Variants in RAP1GAP2 observed in about 807,000 individuals in gnomAD.
RAP1GAP2 encodes the protein RAP1 GTPase activating protein 2.
RAP1GAP2 carries 27 observed loss-of-function variants against 95.0 expected under a neutral mutation model. The ratio of observed to expected loss-of-function variants is 0.28; its 90% confidence interval spans 0.21 to 0.39. RAP1GAP2 has a LOEUF of 0.39. Ranked by LOEUF, RAP1GAP2 falls within the 10% of genes least tolerant of loss-of-function variation. The pLI, the probability that RAP1GAP2 is intolerant of heterozygous loss-of-function variation, is 1.00. For missense variants in RAP1GAP2, 771 were observed against 970.0 expected (o/e 0.79, Z 2.72); for synonymous variants, 373 against 380.9 (o/e 0.98, Z 0.24).
intron 3 of RAP1GAP2, among the ~76,000 whole-genome samples, chr17:2,917,792 C>T (rs1467132976): frequency 2.6e-5 from 4 of 151,790 alleles, no homozygotes; most frequent in East Asian, 3.9e-4. Flanking sequence ...CTTGGCTCAC[C>T]GCAACCTCCG....
At chr17:3,017,937 G>GTA in intron 17 of RAP1GAP2, 124 bp from the exon 18 acceptor site, 1 of 816,734 alleles carries the variant, frequency 1.2e-6, no homozygotes, top group Non-Finnish European at 1.9e-6. Context: ...GTGTGTGTGT[G>GTA]TGTGTGTGTG....
intron 2 of RAP1GAP2, among the ~76,000 whole-genome samples, chr17:2,804,699 T>G (rs983706969): frequency 1.3e-4 from 20 of 152,080 alleles, no homozygotes; most frequent in African/African-American, 4.6e-4. Context: ...AGTTGGACAC[T>G]CAGAAGCAAG....
intron 19 of RAP1GAP2, among the ~76,000 whole-genome samples, chr17:3,024,749 G>T (rs2047053370): frequency 6.6e-6 from 1 of 152,200 alleles, no homozygotes; most frequent in Admixed American, 6.5e-5. Context: ...ATAAAGTCCT[G>T]ATACAAGCTA....
Position 2,962,786 on chromosome 17 carries a change from G to C in RAP1GAP2, c.246+72G>C. The C allele has an allele frequency of 2.2e-6, 3 of 1,394,054 alleles. No individual in the cohort carries two copies. The South Asian group carries it at 4.0e-5, about 19-fold the overall frequency. 86.4% of individuals were successfully genotyped at this position (1,394,054 alleles called of 1,614,324 possible). A position where few individuals can be genotyped will look rare whatever the true frequency, so the allele number is the denominator to read the frequency against. On this transcript the variant is annotated intron_variant, in intron 5 of 24. Transcript: ENST00000254695. ...CTAGGGCGAGAGGAAGGCAGGAGGG[G>C]CTGCCGGGATGCTGGGGTCTTCTGT...
chr17:2,885,462 GGAGC>G (rs2073461954), intron 2 of RAP1GAP2, among the ~76,000 whole-genome samples: 1 of 152,200 alleles, frequency 6.6e-6, no homozygotes, highest in Admixed American at 6.5e-5. Context: ...ACAGGAGCCA[GGAGC>G]TGTTCAGAGG....
At chr17:2,847,165 T>C in intron 2 of RAP1GAP2, among the ~76,000 whole-genome samples, 1 of 152,152 alleles carries the variant, frequency 6.6e-6, no homozygotes, top group Non-Finnish European at 1.5e-5. Flanking sequence ...CCCGCCACGT[T>C]GCCTGGCTAA....
At chr17:2,900,429 AT>A (rs2041988847) in intron 2 of RAP1GAP2, among the ~76,000 whole-genome samples, 1 of 151,888 alleles carries the variant, frequency 6.6e-6, no homozygotes, top group Admixed American at 6.6e-5. Context: ...CACAGCTGTT[AT>A]TTTTTTAAAT....
rs533504888 is a variant in RAP1GAP2, at chr17:2,797,357, C to T, written c.44+786C>T. Among the ~76,000 whole-genome samples, 192 of 152,304 alleles carry T rather than the reference C, an allele frequency of 1.3e-3. 1 individual carries two copies. Among genetic ancestry groups the T allele is most frequent in the African/African-American group, 4.4e-3 (182 of 41,562 alleles). On this transcript the variant is annotated intron_variant, in intron 1 of 24. Coordinates refer to ENST00000254695, the MANE Select transcript of RAP1GAP2 (RefSeq NM_015085.5). The surrounding 1 kb of genome is among the most constrained non-coding windows in gnomAD (Gnocchi z 5.6). ...GGGCAGAAGGTAGGCACACGAAGGC[C>T]AAAGGCTTGTCTCTGGTTCCCAGTG...
chr17:2,920,991 C>G (rs907608192), intron 3 of RAP1GAP2, among the ~76,000 whole-genome samples: 2 of 152,122 alleles, frequency 1.3e-5, no homozygotes, highest in Non-Finnish European at 2.9e-5. Flanking sequence ...GGGATGTCCC[C>G]TGCGTAGATC....
intron 2 of RAP1GAP2, among the ~76,000 whole-genome samples, chr17:2,830,336 C>G (rs949799707): frequency 6.6e-6 from 1 of 152,102 alleles, no homozygotes; most frequent in African/African-American, 2.4e-5. Context: ...ATAGCTTGAA[C>G]CCATGAGGCG....
intron 3 of RAP1GAP2, among the ~76,000 whole-genome samples, chr17:2,919,133 T>C: frequency 6.6e-6 from 1 of 152,156 alleles, no homozygotes; most frequent in East Asian, 1.9e-4. Flanking sequence ...TGAGTGGCCT[T>C]CCAAGAGCCT....
chr17:2,984,306 C>T (rs1450761410), intron 10 of RAP1GAP2, among the ~76,000 whole-genome samples: 1 of 152,128 alleles, frequency 6.6e-6, no homozygotes. Context: ...CAAGACCACG[C>T]CATTGCACTC....
chr17:2,781,737 TC>T (rs2068659127), intron 1 of RAP1GAP2, among the ~76,000 whole-genome samples: 1 of 145,492 alleles, frequency 6.9e-6, no homozygotes, highest in African/African-American at 2.6e-5. Flanking sequence ...TGTGTGCACG[TC>T]TCTGTGTGAG....
At chr17:2,783,068 G>A (rs1214668454) in intron 1 of RAP1GAP2, among the ~76,000 whole-genome samples, 2 of 152,122 alleles carry the variant, frequency 1.3e-5, no homozygotes, top group African/African-American at 4.8e-5. Context: ...ATTTTATGAG[G>A]AAGTAGAGGC....
chr17:2,873,030 G>A (rs2072912743), intron 2 of RAP1GAP2, among the ~76,000 whole-genome samples: 1 of 151,814 alleles, frequency 6.6e-6, no homozygotes, highest in Non-Finnish European at 1.5e-5. Flanking sequence ...TTGAACCCGA[G>A]GGGCGGAGGT....
Position 2,985,064 on chromosome 17 carries a change from C to T in RAP1GAP2, c.811C>T (p.Gln271Ter). 6.2e-7 allele frequency: 1 copy of T among 1,613,838 alleles called. No homozygotes were observed. The highest frequency in any genetic ancestry group is 8.5e-7 in the Non-Finnish European group (1 of 1,179,878). The change falls in exon 11 of 25, where the codon CAG (glutamine) becomes TAG (stop). Residue 271 changes from glutamine to a stop codon, truncating the protein, a stop_gained and splice_region_variant. Coordinates refer to ENST00000254695, the MANE Select transcript of RAP1GAP2 (RefSeq NM_015085.5). LOFTEE classifies it high-confidence loss of function. ...KFGVIYQKARQTLEEELFGNN... is the reference protein window; with the variant it reads ...KFGVIYQKAR ...CGGAGTCATTTATCAAAAAGCCAGGCAGGTAAGCAGCACCATCCATACCGG... is the reference window on the plus strand; with the variant it reads ...CGGAGTCATTTATCAAAAAGCCAGGTAGGTAAGCAGCACCATCCATACCGG...
At chr17:2,895,328 C>A (rs73312061) in intron 2 of RAP1GAP2, among the ~76,000 whole-genome samples, 1,652 of 152,284 alleles carry the variant, frequency 0.011, 18 homozygotes, top group Middle Eastern at 0.031. Context: ...CCTTCTCCTC[C>A]TCAGAGGCAG....
intron 2 of RAP1GAP2, among the ~76,000 whole-genome samples, chr17:2,859,687 C>T (rs1001231175): frequency 4.6e-5 from 7 of 152,300 alleles, no homozygotes; most frequent in South Asian, 4.1e-4. Flanking sequence ...CTGCCCACCT[C>T]GGCCTTCCAA....
rs1411156396 is a variant in RAP1GAP2, at chr17:2,871,104, C to T, written c.81-34180C>T. The stretch of plus-strand genomic sequence containing the variant: ...CCAAGTAGCTGGAATTCCAGGCATG[C>T]GCCGCCACACCTGGCTAATTTTTGT... On this transcript the variant is annotated intron_variant, in intron 2 of 24. Transcript: ENST00000254695. The surrounding 1 kb of genome is among the most constrained non-coding windows in gnomAD (Gnocchi z 5.0). Among the ~76,000 whole-genome samples the T allele has an allele frequency of 6.6e-6, 1 of 152,166 alleles. No individual in the cohort carries two copies. The highest frequency in any genetic ancestry group is 2.4e-5 in the African/African-American group (1 of 41,430).
Sources: gnomAD v4.1 joint callset for allele counts (sites outside exome capture counted in the v4.1 genomes callset) on GRCh38, gnomAD v4.1.1 for gene constraint, Gnocchi (gnomAD v3.1) non-coding constraint, MANE v1.5 for transcripts, NCBI Gene and HGNC (gene_info 2026-07-23, HGNC 2026-07-21) for gene names.